The following NTNG2 variants were observed in gnomAD, a reference collection of about 807,000 sequenced individuals.
NTNG2 encodes netrin G2.
Under a neutral mutation model 47.6 loss-of-function variants are expected in NTNG2, and 15 were observed. The ratio of observed to expected loss-of-function variants is 0.32; its 90% confidence interval spans 0.21 to 0.49. The LOEUF is 0.49. Among genes scored for constraint, NTNG2 ranks in the 20% least tolerant of loss-of-function variants. The pLI is 0.99. For missense variants in NTNG2, 578 were observed against 764.6 expected (o/e 0.76, Z 2.88); for synonymous variants, 307 against 324.6 (o/e 0.95, Z 0.58).
intron 4 of NTNG2, among the ~76,000 whole-genome samples, chr9:132,230,006 G>T (rs1351211538): frequency 2.6e-5 from 4 of 152,228 alleles, no homozygotes; most frequent in African/African-American, 9.6e-5. Context: ...GTCCTCAGCT[G>T]TAGAATCAGG....
At position 132,240,831 on chromosome 9, in the gene NTNG2, G is replaced by A. The variant is rs1841926897; in HGVS notation, c.1223-79G>A. ...TGGGGAGTGTGGAGATGCTCCCTGC[G>A]AGGCCGGGAGAGTGGGGGTCCGAGA... On this transcript the variant is annotated intron_variant, in intron 6 of 7. Coordinates refer to ENST00000393229, the MANE Select transcript of NTNG2 (RefSeq NM_032536.4). 3.1e-6 allele frequency: 5 copies of A among 1,596,974 alleles called. No individual in the cohort carries two copies. The South Asian group carries it at 5.6e-5, about 18-fold the overall frequency.
chr9:132,172,159 C>T (rs1835974688), intron 2 of NTNG2, among the ~76,000 whole-genome samples: 1 of 152,168 alleles, frequency 6.6e-6, no homozygotes, highest in Middle Eastern at 3.4e-3. Context: ...GAATGCCTGC[C>T]CCCTCCTTCC....
intron 2 of NTNG2, among the ~76,000 whole-genome samples, chr9:132,191,193 C>T (rs1226013522): frequency 6.6e-6 from 1 of 152,188 alleles, no homozygotes; most frequent in Non-Finnish European, 1.5e-5. Context: ...ACAATCATCA[C>T]ACTCTTCTGA....
intron 3 of NTNG2, among the ~76,000 whole-genome samples, chr9:132,199,781 C>T (rs1417259170): frequency 6.6e-6 from 1 of 152,202 alleles, no homozygotes. Context: ...GGAGTCAGAT[C>T]TTTCTTTGGA....
At chr9:132,203,698 T>C (rs985773783) in intron 3 of NTNG2, among the ~76,000 whole-genome samples, 1 of 152,122 alleles carries the variant, frequency 6.6e-6, no homozygotes, top group Non-Finnish European at 1.5e-5. Context: ...CCTGCAGCCG[T>C]GGTAGCAGCT....
chr9:132,238,019 C>G (rs1171375598), intron 5 of NTNG2, among the ~76,000 whole-genome samples: 1 of 152,172 alleles, frequency 6.6e-6, no homozygotes, highest in Non-Finnish European at 1.5e-5. Context: ...ACCACTGGGT[C>G]AGTCCCTCAT....
intron 3 of NTNG2, among the ~76,000 whole-genome samples, chr9:132,220,491 C>T (rs1297846633): frequency 6.9e-6 from 1 of 145,402 alleles, no homozygotes; most frequent in Non-Finnish European, 1.5e-5. Context: ...GACAGAGTCT[C>T]GCTCTGTGCT....
chr9:132,163,522 A>G lies in NTNG2; in HGVS notation c.-484+1283A>G, dbSNP rs1835250995. On this transcript the variant is annotated intron_variant, in intron 1 of 7. Transcript: ENST00000393229. The surrounding 1 kb of genome is among the most constrained non-coding windows in gnomAD (Gnocchi z 7.2). ...GACGGGAAGGTGACCCCGCCGGCCA[A>G]GCTCCCTTTCCCTCCCGGCAACCGC... Among the ~76,000 whole-genome samples, 1 of 152,042 alleles carries G rather than the reference A, an allele frequency of 6.6e-6. No homozygotes were observed. Among genetic ancestry groups the G allele is most frequent in the Non-Finnish European group, 1.5e-5 (1 of 67,972 alleles).
intron 3 of NTNG2, among the ~76,000 whole-genome samples, chr9:132,213,331 CAAAAAAAAAAA>C (rs61393543): frequency 8.6e-5 from 9 of 104,374 alleles, no homozygotes; most frequent in East Asian, 6.0e-4. Flanking sequence ...GACTCCATCT[CAAAAAAAAAAA>C]AAAAAAAAAA....
chr9:132,168,556 AG>A (rs1835662612), intron 2 of NTNG2, among the ~76,000 whole-genome samples: 1 of 151,674 alleles, frequency 6.6e-6, no homozygotes, highest in Admixed American at 6.6e-5. Flanking sequence ...GGAGAGAGAG[AG>A]GGAGGGAGAG....
rs757661170 is a variant in NTNG2 at position 132,242,992 on chromosome 9, G to C, written c.*881G>C. 1 of 152,214 alleles carries C rather than the reference G, an allele frequency of 6.6e-6. No homozygotes were observed. The highest frequency in any genetic ancestry group is 2.4e-5 in the African/African-American group (1 of 41,442). The allele number at this position is 152,214 out of a possible 1,614,324, so 9.4% of individuals were successfully genotyped here. A position where few individuals can be genotyped will look rare whatever the true frequency, so the allele number is the denominator to read the frequency against. On this transcript the variant is annotated 3_prime_UTR_variant, in exon 8 of 8. Transcript: ENST00000393229. This position sits in a 1 kb window ranked among gnomAD's most constrained non-coding sequence, Gnocchi z 5.9. Reference sequence around the variant, plus strand: ...AGCAGGCAGTGCCCCCTCCCCGCAGGCTTGGCTGGCAGAGTTTTCCACCCC... The same window carrying C: ...AGCAGGCAGTGCCCCCTCCCCGCAGCCTTGGCTGGCAGAGTTTTCCACCCC...
In NTNG2 at chr9:132,162,619, G is replaced by GTC; in HGVS notation, c.-484+380_-484+381insTC. Among the ~76,000 whole-genome samples the GTC allele has an allele frequency of 1.3e-5, 1 of 77,478 alleles. No homozygotes were observed. Among genetic ancestry groups the GTC allele is most frequent in the African/African-American group, 4.7e-5 (1 of 21,064 alleles). The allele number at this position is 77,478 out of a possible 152,430, so 50.8% of individuals were successfully genotyped here. ...GTGTGTGTGTGTGTGTGTGTGTGTC[G>GTC]GGGAGGGATGTTGCAAGGATGCTCG... On this transcript the variant is annotated intron_variant, in intron 1 of 7. Coordinates refer to ENST00000393229, the MANE Select transcript of NTNG2 (RefSeq NM_032536.4). The surrounding 1 kb of genome is among the most constrained non-coding windows in gnomAD (Gnocchi z 4.6).
At chr9:132,177,658 G>A (rs1438789622) in intron 2 of NTNG2, among the ~76,000 whole-genome samples, 8 of 151,994 alleles carry the variant, frequency 5.3e-5, no homozygotes, top group Non-Finnish European at 1.0e-4. Context: ...TTTTTTGTTT[G>A]TTTGTTTGTT....
rs1325776628 is a variant in NTNG2, at chr9:132,182,906, A to T, written c.214-15060A>T. ...CCCCCCTGCCGCAGCTGCCCCCCAG[A>T]CCAGCTTCAGCAGCCTCTCTGGGCG... On this transcript the variant is annotated intron_variant, in intron 2 of 7. Transcript: ENST00000393229. This position sits in a 1 kb window ranked among gnomAD's most constrained non-coding sequence, Gnocchi z 4.2. 6.6e-6 allele frequency among the ~76,000 whole-genome samples: 1 copy of T among 151,888 alleles called. No individual in the cohort carries two copies. The highest frequency in any genetic ancestry group is 6.5e-5 in the Admixed American group (1 of 15,270).
chr9:132,162,931 C>T lies in NTNG2; in HGVS notation c.-484+692C>T, dbSNP rs1233682059. On this transcript the variant is annotated intron_variant, in intron 1 of 7. Coordinates refer to ENST00000393229, the MANE Select transcript of NTNG2 (RefSeq NM_032536.4). The surrounding 1 kb of genome is among the most constrained non-coding windows in gnomAD (Gnocchi z 4.6). ...GGGGGGAGCAGAGGCGGCGGGAAGG[C>T]GGGAAGAGAGGACCGCGGGCTCGCG... Among the ~76,000 whole-genome samples the T allele has an allele frequency of 6.6e-6, 1 of 152,038 alleles. No individual in the cohort carries two copies. Among genetic ancestry groups the T allele is most frequent in the East Asian group, 1.9e-4 (1 of 5,140 alleles).
intron 2 of NTNG2, among the ~76,000 whole-genome samples, chr9:132,193,018 G>A (rs948143147): frequency 2.6e-5 from 4 of 152,218 alleles, no homozygotes; most frequent in African/African-American, 9.6e-5. Context: ...AGTCTTCCCA[G>A]TGACAGACAG....
chr9:132,197,128 G>A lies in NTNG2; in HGVS notation c.214-838G>A, dbSNP rs570789777. On this transcript the variant is annotated intron_variant, in intron 2 of 7. Transcript: ENST00000393229. This position sits in a 1 kb window ranked among gnomAD's most constrained non-coding sequence, Gnocchi z 4.3. ...TCAGGGGCCGGGCGCAGTGGCTCAC[G>A]TCTGCAATCCCAGCACTTTGGGAGG... Among the ~76,000 whole-genome samples, 5 of 152,292 alleles carry A rather than the reference G, an allele frequency of 3.3e-5. No homozygotes were observed. The highest frequency in any genetic ancestry group is 4.1e-4 in the South Asian group (2 of 4,824).
At chr9:132,192,713 C>T (rs1837989339) in intron 2 of NTNG2, among the ~76,000 whole-genome samples, 1 of 152,192 alleles carries the variant, frequency 6.6e-6, no homozygotes, top group South Asian at 2.1e-4. Context: ...CTCCACACTC[C>T]TGACCAGCTC....
intron 2 of NTNG2, among the ~76,000 whole-genome samples, chr9:132,185,940 TA>T (rs1220365518): frequency 1.3e-5 from 2 of 151,924 alleles, no homozygotes; most frequent in African/African-American, 4.8e-5. Context: ...CTGGCCCTGC[TA>T]GGGAAGTGTT....
Sources: allele counts gnomAD v4.1 joint callset (sites outside exome capture counted in the v4.1 genomes callset), GRCh38; gene constraint gnomAD v4.1.1; non-coding constraint Gnocchi (gnomAD v3.1); transcripts MANE v1.5; gene names NCBI Gene and HGNC (gene_info 2026-07-23, HGNC 2026-07-21).